Variants in SGCD observed in about 807,000 individuals in gnomAD.
SGCD encodes delta-sarcoglycan.
SGCD carries 18 observed loss-of-function variants against 36.6 expected under a neutral mutation model. The observed-to-expected ratio is 0.49, with a 90% CI of 0.34 to 0.73. SGCD has a LOEUF of 0.73. SGCD is among the 30% of genes least tolerant of loss of function. SGCD has a pLI of 0.01. For synonymous variants in SGCD, 133 were observed against 130.6 expected (o/e 1.02, Z -0.12); for missense variants, 387 against 346.7 (o/e 1.12, Z -0.92).
rs561045133 is a variant in SGCD, at chr5:156,158,508, A to G, written c.-44+34489A>G. Among the ~76,000 whole-genome samples, 3 of 151,536 alleles carry G rather than the reference A, an allele frequency of 2.0e-5. No homozygotes were observed. In the South Asian group the frequency reaches 6.2e-4, roughly 31 times the overall value. Reference sequence around the variant, plus strand: ...AGCCACTTCTAGTCCTAAAGGGGAGAGGGGAGGGAACAAAAAGAGTAAGTG... The same window carrying G: ...AGCCACTTCTAGTCCTAAAGGGGAGGGGGGAGGGAACAAAAAGAGTAAGTG... On this transcript the variant is annotated intron_variant, in intron 3 of 9. Coordinates refer to the SGCD transcript ENST00000517913.
chr5:156,619,916 C>T lies in SGCD; in HGVS notation c.502+24865C>T, dbSNP rs183070311. Among the ~76,000 whole-genome samples the T allele has an allele frequency of 1.4e-3, 211 of 152,280 alleles. 1 individual carries two copies. The highest frequency in any genetic ancestry group is 6.6e-3 in the Admixed American group (101 of 15,298). ...CCTTTAATCTTAACTCCTTTTGCACCGTCTTCCCTGGGAACAGTGGTTAAT... is the reference window on the plus strand; with the variant it reads ...CCTTTAATCTTAACTCCTTTTGCACTGTCTTCCCTGGGAACAGTGGTTAAT... On this transcript the variant is annotated intron_variant, in intron 6 of 8. Coordinates refer to ENST00000337851, the MANE Select transcript of SGCD (RefSeq NM_000337.6).
the SGCD span, among the ~76,000 whole-genome samples, chr5:155,852,639 A>G: frequency 3.3e-5 from 5 of 152,190 alleles, no homozygotes; most frequent in African/African-American, 9.6e-5. Flanking sequence ...AGCTCACTGA[A>G]AACTGTCTTG....
chr5:156,273,218 CT>C (rs569045772), intron 3 of SGCD, among the ~76,000 whole-genome samples: 1 of 152,190 alleles, frequency 6.6e-6, no homozygotes, highest in Non-Finnish European at 1.5e-5. Context: ...CCCAGGGCCC[CT>C]CTCTTCCCTT....
At chr5:155,948,296 A>C (rs35912510) in intron 1 of SGCD, among the ~76,000 whole-genome samples, 29,383 of 151,916 alleles carry the variant, frequency 0.19, 3,401 homozygotes, top group Admixed American at 0.37. Context: ...ACTACTAATA[A>C]TAATAATAAT....
chr5:156,677,616 A>G (rs530975668), intron 7 of SGCD, among the ~76,000 whole-genome samples: 6 of 152,272 alleles, frequency 3.9e-5, no homozygotes, highest in African/African-American at 7.2e-5. Context: ...GCAGCACACC[A>G]ACATGGCACA....
chr5:156,168,361 C>A (rs1403020273), intron 3 of SGCD, among the ~76,000 whole-genome samples: 6 of 136,924 alleles, frequency 4.4e-5, no homozygotes, highest in African/African-American at 1.7e-4. Flanking sequence ...TAGTGAGACT[C>A]CTATCTCTAC....
At chr5:156,540,141 G>A (rs1207808530) in intron 4 of SGCD, among the ~76,000 whole-genome samples, 1 of 152,064 alleles carries the variant, frequency 6.6e-6, no homozygotes, top group African/African-American at 2.4e-5. Context: ...AACTGTAAAG[G>A]CCTTGACTCT....
In SGCD at chr5:156,307,852, G is replaced by T. The variant is rs933729475; in HGVS notation, c.-43-21682G>T. On this transcript the variant is annotated intron_variant, in intron 3 of 9. Transcript: ENST00000517913. ...TAACAAAATTATATATTTTCACTTT[G>T]TGTGTTTAAGAAACATAAACTGATA... Among the ~76,000 whole-genome samples, 3 of 151,938 alleles carry T rather than the reference G, an allele frequency of 2.0e-5. No homozygotes were observed. In the South Asian group the frequency reaches 6.2e-4, roughly 32 times the overall value.
intron 1 of SGCD, among the ~76,000 whole-genome samples, chr5:155,978,828 T>A (rs58320789): frequency 0.028 from 4,141 of 145,964 alleles, 180 homozygotes; most frequent in African/African-American, 0.091. Context: ...GGAGTTATTT[T>A]AAAAAAAAAA....
chr5:156,154,207 T>C (rs1305334350), intron 3 of SGCD, among the ~76,000 whole-genome samples: 1 of 151,662 alleles, frequency 6.6e-6, no homozygotes, highest in Admixed American at 6.6e-5. Context: ...TTGTTCTCTG[T>C]CTTCCACCTC....
At chr5:156,508,276 C>A in intron 3 of SGCD, among the ~76,000 whole-genome samples, 1 of 152,060 alleles carries the variant, frequency 6.6e-6, no homozygotes, top group South Asian at 2.1e-4. Context: ...TTATCCTTTT[C>A]TCTCCTCCTA....
In SGCD at chr5:156,763,346, A is replaced by C. The variant is rs992427054; in HGVS notation, c.*3956A>C. ...TTTAGCCCACATCACGTCAGTTATC[A>C]ACACCGCCACTGTGCTTACTGTTCC... On this transcript the variant is annotated 3_prime_UTR_variant, in exon 9 of 9. Transcript: ENST00000337851. 6.6e-6 allele frequency: 1 copy of C among 152,660 alleles called. No individual in the cohort carries two copies. The highest frequency in any genetic ancestry group is 1.5e-5 in the Non-Finnish European group (1 of 68,058). The allele number at this position is 152,660 out of a possible 1,614,324, so 9.5% of individuals were successfully genotyped here. A position where few individuals can be genotyped will look rare whatever the true frequency, so the allele number is the denominator to read the frequency against.
At chr5:155,903,274 A>G in intron 1 of SGCD, among the ~76,000 whole-genome samples, 1 of 151,998 alleles carries the variant, frequency 6.6e-6, no homozygotes, top group East Asian at 1.9e-4. Flanking sequence ...TTTATTGACA[A>G]CTGGGTTATT....
At chr5:156,627,277 G>A (rs1039346421) in intron 6 of SGCD, among the ~76,000 whole-genome samples, 21 of 152,150 alleles carry the variant, frequency 1.4e-4, no homozygotes, top group African/African-American at 5.1e-4. Flanking sequence ...ATGAGCCTGG[G>A]CCTATTGATT....
chr5:156,619,705 G>A (rs1053056095), intron 6 of SGCD, among the ~76,000 whole-genome samples: 2 of 152,170 alleles, frequency 1.3e-5, no homozygotes, highest in African/African-American at 4.8e-5. Context: ...AATTTAATGA[G>A]ATGACAATGT....
chr5:156,530,541 A>T (rs1181596516), intron 4 of SGCD, among the ~76,000 whole-genome samples: 1 of 150,724 alleles, frequency 6.6e-6, no homozygotes, highest in African/African-American at 2.4e-5. Context: ...GTTCACCGCC[A>T]TGCTTTATTT....
At chr5:155,813,476 G>T in the SGCD span, among the ~76,000 whole-genome samples, 1 of 152,116 alleles carries the variant, frequency 6.6e-6, no homozygotes, top group South Asian at 2.1e-4. Flanking sequence ...AATACCTGCT[G>T]ATCAGAAAAA....
chr5:156,499,473 G>A (rs1234745164), intron 3 of SGCD, among the ~76,000 whole-genome samples: 2 of 152,128 alleles, frequency 1.3e-5, no homozygotes, highest in African/African-American at 4.8e-5. Flanking sequence ...CAATTACAAT[G>A]TATGTGATAT....
chr5:156,006,021 A>G (rs576510970), intron 1 of SGCD, among the ~76,000 whole-genome samples: 5 of 152,318 alleles, frequency 3.3e-5, no homozygotes, highest in Non-Finnish European at 7.3e-5. Flanking sequence ...CTTCTGTAAA[A>G]CCAGAGTGAG....
Sources: gnomAD v4.1 joint callset for allele counts (sites outside exome capture counted in the v4.1 genomes callset) on GRCh38, gnomAD v4.1.1 for gene constraint, MANE v1.5 for transcripts, NCBI Gene and HGNC (gene_info 2026-07-23, HGNC 2026-07-21) for gene names.